Variants in EMID1 observed in about 807,000 individuals in gnomAD.
EMID1 encodes EMI domain-containing protein 1.
EMID1 carries 40 observed loss-of-function variants against 60.6 expected under a neutral mutation model. The ratio of observed to expected loss-of-function variants is 0.66; its 90% confidence interval spans 0.51 to 0.86. EMID1 has a LOEUF of 0.86. EMID1 is among the 40% of genes least tolerant of loss of function. The probability of loss-of-function intolerance (pLI) is 0.00; values close to 1 mark genes in which losing one functional copy is unlikely to be tolerated. For missense variants in EMID1, 585 were observed against 597.1 expected, an observed-to-expected ratio of 0.98 and a Z score of 0.21; for synonymous variants, 242 against 231.0, an observed-to-expected ratio of 1.05 and a Z score of -0.43.
rs370107223 is a variant in EMID1, at chr22:29,220,501, C to A, written c.320-4632C>A. ...GCAAAGTAAATTCCTTGCAGGAGACCTGGACTGGGGCTGGGAAGGCTGCCT... is the reference window on the plus strand; with the variant it reads ...GCAAAGTAAATTCCTTGCAGGAGACATGGACTGGGGCTGGGAAGGCTGCCT... On this transcript the variant is annotated intron_variant, in intron 3 of 14. Transcript: ENST00000334018. 1.8e-4 allele frequency among the ~76,000 whole-genome samples: 28 copies of A among 152,136 alleles called. 1 individual carries two copies. In the South Asian group the frequency reaches 2.1e-3, roughly 11 times the overall value.
At position 29,245,941 on chromosome 22, in the gene EMID1, C is replaced by T. The variant is rs117005181; in HGVS notation, c.1119+2452C>T. On this transcript the variant is annotated intron_variant, in intron 13 of 14. Transcript: ENST00000334018. ...TCCTCCATAGGCACCAGACCTGGAG[C>T]TGGGCACTGTTTACACAGATGCAAT... Among the ~76,000 whole-genome samples the T allele has an allele frequency of 1.4e-4, 22 of 152,346 alleles. No homozygotes were observed. In the East Asian group the frequency reaches 3.7e-3, roughly 25 times the overall value.
chr22:29,259,214 C>T lies in EMID1; in HGVS notation c.*270C>T, dbSNP rs1160475207. On this transcript the variant is annotated 3_prime_UTR_variant, in exon 15 of 15. Transcript: ENST00000334018. ...AAGGAGGGATAGAGGTACAAGGCTT[C>T]GTCTCATCTGCTGTCTGAGCATCCA... The T allele has an allele frequency of 1.2e-5, 6 of 481,932 alleles. No homozygotes were observed. The highest frequency in any genetic ancestry group is 8.3e-5 in the Admixed American group (2 of 24,018). 29.9% of individuals were successfully genotyped at this position (481,932 alleles called of 1,614,324 possible). A position where few individuals can be genotyped will look rare whatever the true frequency, so the allele number is the denominator to read the frequency against.
chr22:29,244,100 T>G (rs1256843952), intron 13 of EMID1, among the ~76,000 whole-genome samples: 1 of 152,188 alleles, frequency 6.6e-6, no homozygotes, highest in Non-Finnish European at 1.5e-5. Context: ...TGACCTAGAC[T>G]CCTCTATACT....
intron 5 of EMID1, 88 bp from the exon 6 acceptor site, chr22:29,230,932 G>A: frequency 6.6e-7 from 1 of 1,514,396 alleles, no homozygotes; most frequent in Non-Finnish European, 8.9e-7. Context: ...TCTAGCCTGG[G>A]CAACAGAGCA....
chr22:29,216,933 G>C (rs898078418), intron 3 of EMID1, among the ~76,000 whole-genome samples: 2 of 152,246 alleles, frequency 1.3e-5, no homozygotes, highest in African/African-American at 4.8e-5. Context: ...AGGCTGGAGC[G>C]GGTGGACAGA....
At chr22:29,221,219 G>A (rs1033078442) in intron 3 of EMID1, among the ~76,000 whole-genome samples, 1 of 148,008 alleles carries the variant, frequency 6.8e-6, no homozygotes, top group African/African-American at 2.4e-5. Flanking sequence ...CAGCCTTCAG[G>A]GCCCCCCTGA....
At chr22:29,211,292 C>T (rs1241149113) in intron 1 of EMID1, among the ~76,000 whole-genome samples, 4 of 152,144 alleles carry the variant, frequency 2.6e-5, no homozygotes, top group Non-Finnish European at 4.4e-5. Flanking sequence ...GCAGGGAGGA[C>T]GGTCATTTCT....
chr22:29,255,384 G>A (rs2041667182), intron 14 of EMID1: 1 of 1,428,336 alleles, frequency 7.0e-7, no homozygotes, highest in African/African-American at 1.4e-5. Context: ...CGGGCAGGCA[G>A]GGGCAGCCTC....
At chr22:29,240,975 T>C (rs762415006) in intron 12 of EMID1, among the ~76,000 whole-genome samples, 1 of 152,218 alleles carries the variant, frequency 6.6e-6, no homozygotes, top group Non-Finnish European at 1.5e-5. Flanking sequence ...ACAGAATGCT[T>C]GGTCTATTTC....
In EMID1 at chr22:29,237,652, G is replaced by T. The variant is rs1184400237; in HGVS notation, c.1074+3303G>T. The stretch of plus-strand genomic sequence containing the variant: ...TCTCTACTAAAAATACAAAAAAAAT[G>T]TAGCTGGGCGTGCTGGCAGGTGCCT... On this transcript the variant is annotated intron_variant, in intron 12 of 14. Coordinates refer to ENST00000334018, the MANE Select transcript of EMID1 (RefSeq NM_133455.4). Among the ~76,000 whole-genome samples, 2 of 143,510 alleles carry T rather than the reference G, an allele frequency of 1.4e-5. 1 individual carries two copies. The highest frequency in any genetic ancestry group is 5.5e-5 in the African/African-American group (2 of 36,236). The allele number at this position is 143,510 out of a possible 152,430, so 94.1% of individuals were successfully genotyped here.
intron 3 of EMID1, among the ~76,000 whole-genome samples, 177 bp downstream of exon 3, chr22:29,215,807 G>A (rs919269121): frequency 6.6e-6 from 1 of 152,020 alleles, no homozygotes; most frequent in Admixed American, 6.5e-5. Context: ...TGCCCCCCAC[G>A]GTGACCGCTT....
At chr22:29,216,198 G>C (rs543505781) in intron 3 of EMID1, 2 of 557,376 alleles carry the variant, frequency 3.6e-6, no homozygotes, top group South Asian at 1.6e-4. Context: ...ACCCCACCTG[G>C]CTTCACTGTG....
Position 29,215,552 on chromosome 22 carries a change from T to A in EMID1, c.241T>A (p.Tyr81Asn). 2 of 1,614,066 alleles carry A rather than the reference T, an allele frequency of 1.2e-6. No homozygotes were observed. Among genetic ancestry groups the A allele is most frequent in the Non-Finnish European group, 1.7e-6 (2 of 1,179,966 alleles). The change falls in exon 3 of 15, where the codon TAC becomes AAC. Residue 81 changes from tyrosine (Y) to asparagine (N), a missense_variant. Transcript: ENST00000334018. Reference protein sequence around the residue: ...SSYRTVVRPTYKVMYKIVTAR... With the variant: ...SSYRTVVRPTNKVMYKIVTAR... Reference sequence around the variant, plus strand: ...CTACAGAACTGTGGTGAGACCCACATACAAGGTGATGTACAAGATAGTGAC... The same window carrying A: ...CTACAGAACTGTGGTGAGACCCACAAACAAGGTGATGTACAAGATAGTGAC...
At position 29,215,651 on chromosome 22, in the gene EMID1, C is replaced by G. The variant is rs372434289; in HGVS notation, c.319+21C>G. 8 of 1,606,896 alleles carry G rather than the reference C, an allele frequency of 5.0e-6. No individual in the cohort carries two copies. The South Asian group carries it at 8.8e-5, about 18-fold the overall frequency. ...GGAAGGTAGGACTGCCCGGCCGGCTCCCGGAGCCCTGCGACAGCAGGCCAG... is the reference window on the plus strand; with the variant it reads ...GGAAGGTAGGACTGCCCGGCCGGCTGCCGGAGCCCTGCGACAGCAGGCCAG... On this transcript the variant is annotated intron_variant, in intron 3 of 14. Coordinates refer to ENST00000334018, the MANE Select transcript of EMID1 (RefSeq NM_133455.4).
chr22:29,220,502 T>TG (rs1450040204), intron 3 of EMID1, among the ~76,000 whole-genome samples: 1 of 151,926 alleles, frequency 6.6e-6, no homozygotes, highest in Non-Finnish European at 1.5e-5. Flanking sequence ...GCAGGAGACC[T>TG]GGACTGGGGC....
intron 12 of EMID1, among the ~76,000 whole-genome samples, chr22:29,235,647 T>C (rs145690407): frequency 1.3e-5 from 2 of 152,192 alleles, no homozygotes; most frequent in Non-Finnish European, 2.9e-5. Flanking sequence ...GTGAATGAAG[T>C]GTCTTAAGTG....
At chr22:29,253,316 C>T (rs753470225) in intron 13 of EMID1, among the ~76,000 whole-genome samples, 1 of 152,226 alleles carries the variant, frequency 6.6e-6, no homozygotes, top group Non-Finnish European at 1.5e-5. Context: ...GGCGCGGTGG[C>T]TTACGCCTGT....
chr22:29,243,394 T>C (rs371048903), intron 12 of EMID1, 51 bp from the exon 13 acceptor site: 2 of 1,593,872 alleles, frequency 1.3e-6, no homozygotes, highest in Non-Finnish European at 1.7e-6. Context: ...TTCCCGTCCC[T>C]TTCTGTCTCC....
At chr22:29,234,954 G>A (rs948055341) in intron 12 of EMID1, among the ~76,000 whole-genome samples, 1 of 151,934 alleles carries the variant, frequency 6.6e-6, no homozygotes, top group Non-Finnish European at 1.5e-5. Context: ...GGGAGGCCGA[G>A]GAAGGTGGAT....
Sources: allele counts gnomAD v4.1 joint callset (sites outside exome capture counted in the v4.1 genomes callset), GRCh38; gene constraint gnomAD v4.1.1; transcripts MANE v1.5; gene names NCBI Gene and HGNC (gene_info 2026-07-23, HGNC 2026-07-21).